Variants in GALNT14 observed in about 807,000 individuals in gnomAD.
GALNT14 encodes polypeptide N-acetylgalactosaminyltransferase 14, also known as UDP-GalNAc:polypeptide N-acetylgalactosaminyltransferase 14.
Under a neutral mutation model 77.5 loss-of-function variants are expected in GALNT14, and 60 were observed. The ratio of observed to expected loss-of-function variants is 0.77; its 90% CI spans 0.63 to 0.96. The LOEUF (loss-of-function observed/expected upper bound fraction) is 0.96, where lower values mean the gene tolerates loss of function less well. GALNT14 is among the 40% of genes least tolerant of loss of function. The probability of loss-of-function intolerance (pLI) is 0.00; values close to 1 mark genes in which losing one functional copy is unlikely to be tolerated. For synonymous variants in GALNT14, 280 were observed against 281.7 expected (o/e 0.99, Z 0.06); for missense variants, 710 against 731.0 (o/e 0.97, Z 0.33).
chr2:30,972,994 T>C (rs140874885), intron 2 of GALNT14, among the ~76,000 whole-genome samples: 5 of 152,342 alleles, frequency 3.3e-5, no homozygotes, highest in African/African-American at 4.8e-5. Flanking sequence ...TATGTTGACC[T>C]AAATAGAAAT....
At chr2:31,125,227 A>G (rs1678647750) in intron 1 of GALNT14, 5 of 1,550,606 alleles carry the variant, frequency 3.2e-6, no homozygotes, top group Non-Finnish European at 4.4e-6. Context: ...GGCTCATCCC[A>G]GCCACCTTGA....
intron 1 of GALNT14, among the ~76,000 whole-genome samples, chr2:31,136,209 G>C (rs1013449453): frequency 6.6e-6 from 1 of 151,992 alleles, no homozygotes; most frequent in African/African-American, 2.4e-5. Context: ...CCCTCTCCAA[G>C]AGTCCTCACA....
At chr2:30,920,654 C>T (rs542488207) in intron 13 of GALNT14, among the ~76,000 whole-genome samples, 1 of 151,268 alleles carries the variant, frequency 6.6e-6, no homozygotes, top group Non-Finnish European at 1.5e-5. Flanking sequence ...CACACACACA[C>T]ACACACACAT....
intron 1 of GALNT14, among the ~76,000 whole-genome samples, chr2:31,011,564 C>A (rs1258917655): frequency 6.6e-6 from 1 of 152,142 alleles, no homozygotes; most frequent in Non-Finnish European, 1.5e-5. Flanking sequence ...CAAAATTCTG[C>A]TCACAGGATC....
chr2:31,070,553 C>A (rs549440110), intron 1 of GALNT14, among the ~76,000 whole-genome samples: 1 of 152,192 alleles, frequency 6.6e-6, no homozygotes, highest in Admixed American at 6.5e-5. Context: ...GAAAAATGCT[C>A]GGCAGCAATT....
chr2:31,088,660 G>A (rs1676578482), intron 1 of GALNT14, among the ~76,000 whole-genome samples: 1 of 152,220 alleles, frequency 6.6e-6, no homozygotes, highest in African/African-American at 2.4e-5. Flanking sequence ...TATTGGTTGT[G>A]CAGAATTATT....
At chr2:31,070,389 C>G (rs2113492) in intron 1 of GALNT14, among the ~76,000 whole-genome samples, 1 of 152,210 alleles carries the variant, frequency 6.6e-6, no homozygotes, top group African/African-American at 2.4e-5. Context: ...CCTAGGCTGT[C>G]CTGTCCTCAG....
chr2:31,061,669 C>G (rs1674599676), intron 1 of GALNT14, among the ~76,000 whole-genome samples: 1 of 145,140 alleles, frequency 6.9e-6, no homozygotes, highest in Non-Finnish European at 1.5e-5. Flanking sequence ...CCTAAGAAAC[C>G]TGATACTCCA....
chr2:31,126,031 C>A (rs1678684389), intron 1 of GALNT14, among the ~76,000 whole-genome samples: 1 of 152,224 alleles, frequency 6.6e-6, no homozygotes, highest in Non-Finnish European at 1.5e-5. Context: ...TAGGACCAGA[C>A]ACATTCCCAG....
chr2:31,112,826 G>A, intron 1 of GALNT14, among the ~76,000 whole-genome samples: 1 of 152,260 alleles, frequency 6.6e-6, no homozygotes, highest in East Asian at 1.9e-4. Flanking sequence ...CCTTTCTCAT[G>A]TTATGGAATC....
intron 1 of GALNT14, among the ~76,000 whole-genome samples, chr2:31,127,140 A>G (rs1027975186): frequency 2.0e-5 from 3 of 152,186 alleles, no homozygotes; most frequent in Non-Finnish European, 4.4e-5. Context: ...CAGCCCCCCA[A>G]TCAAGAAACT....
chr2:30,891,771 T>C, the GALNT14 span, among the ~76,000 whole-genome samples: 1 of 152,090 alleles, frequency 6.6e-6, no homozygotes, highest in African/African-American at 2.4e-5. Flanking sequence ...ATGAGAGAAG[T>C]CTCAGCCTCT....
chr2:30,913,969 A>G (rs1391521080), intron 13 of GALNT14, among the ~76,000 whole-genome samples: 1 of 152,200 alleles, frequency 6.6e-6, no homozygotes. Flanking sequence ...CCTTGTGACC[A>G]TCACATTCTA....
intron 13 of GALNT14, among the ~76,000 whole-genome samples, chr2:30,922,107 G>A (rs1319456871): frequency 6.6e-6 from 1 of 152,156 alleles, no homozygotes; most frequent in African/African-American, 2.4e-5. Context: ...GTCACATGGA[G>A]AGAGCTAGTG....
intron 11 of GALNT14, among the ~76,000 whole-genome samples, chr2:30,927,439 C>T (rs1665454481): frequency 6.6e-6 from 1 of 152,176 alleles, no homozygotes; most frequent in Non-Finnish European, 1.5e-5. Context: ...TCTGCGTGCA[C>T]ATTAATGTCT....
chr2:31,115,059 C>A (rs899776229), intron 1 of GALNT14, among the ~76,000 whole-genome samples: 1 of 152,016 alleles, frequency 6.6e-6, no homozygotes. Context: ...CCAGCCTGGG[C>A]AACCTAGCAA....
At chr2:31,038,559 C>A (rs936761423) in intron 1 of GALNT14, among the ~76,000 whole-genome samples, 1 of 144,976 alleles carries the variant, frequency 6.9e-6, no homozygotes, top group Non-Finnish European at 1.5e-5. Flanking sequence ...TGGCGTTGGC[C>A]GGGGGAGGGG....
intron 1 of GALNT14, among the ~76,000 whole-genome samples, chr2:31,102,419 A>G (rs1677325653): frequency 6.6e-6 from 1 of 151,832 alleles, no homozygotes; most frequent in Non-Finnish European, 1.5e-5. Context: ...TGCATTGAGT[A>G]TTTTTTGTTT....
intron 1 of GALNT14, among the ~76,000 whole-genome samples, chr2:31,027,886 C>CTGTGTGTGTG (rs10562223): frequency 0.017 from 2,432 of 141,834 alleles, 62 homozygotes; most frequent in African/African-American, 0.049. Flanking sequence ...CAGATGTATT[C>CTGTGTGTGTG]TGTGTGTGTG....
Sources: allele counts gnomAD v4.1 joint callset (sites outside exome capture counted in the v4.1 genomes callset), GRCh38; gene constraint gnomAD v4.1.1; transcripts MANE v1.5; gene names NCBI Gene and HGNC (gene_info 2026-07-23, HGNC 2026-07-21).